ZNF644: variants seen among roughly 807,000 people sequenced by gnomAD.
ZNF644 encodes zinc finger protein 644, also known as zinc finger motif enhancer binding protein 2.
A neutral mutation model predicts 108.0 loss-of-function variants in ZNF644; 20 were observed. The observed-to-expected ratio is 0.19, with a 90% CI of 0.13 to 0.27. The LOEUF is 0.27. Among genes scored for constraint, ZNF644 ranks in the 10% least tolerant of loss-of-function variants. The probability of loss-of-function intolerance (pLI) is 1.00; values close to 1 mark genes in which losing one functional copy is unlikely to be tolerated. For synonymous variants in ZNF644, 542 were observed against 539.1 expected (o/e 1.01, Z -0.08); for missense variants, 1,338 against 1,548.9 (o/e 0.86, Z 2.29).
chr1:90,917,664 A>G (rs1349226095), intron 5 of ZNF644, among the ~76,000 whole-genome samples: 1 of 152,092 alleles, frequency 6.6e-6, no homozygotes, highest in Non-Finnish European at 1.5e-5. Context: ...AGCCTGGCTA[A>G]TTTTGGTATT....
intron 2 of ZNF644, among the ~76,000 whole-genome samples, chr1:90,962,282 T>C (rs74099878): frequency 0.012 from 1,762 of 151,962 alleles, 30 homozygotes; most frequent in African/African-American, 0.04. Context: ...TAAAACACCA[T>C]AGTGTTGGTG....
At chr1:90,966,285 A>G (rs1408165066) in intron 2 of ZNF644, among the ~76,000 whole-genome samples, 1 of 152,052 alleles carries the variant, frequency 6.6e-6, no homozygotes, top group Non-Finnish European at 1.5e-5. Flanking sequence ...ATTTTTCTTT[A>G]TAGTACTAAC....
chr1:90,933,361 C>A (rs1225150276), intron 4 of ZNF644, among the ~76,000 whole-genome samples: 1 of 152,086 alleles, frequency 6.6e-6, no homozygotes, highest in Non-Finnish European at 1.5e-5. Flanking sequence ...GAATAGTCCC[C>A]ATTTTAAACC....
At chr1:91,021,639 C>A (rs1183530573) in intron 1 of ZNF644, 1 of 139,236 alleles carries the variant, frequency 7.2e-6, no homozygotes, top group Non-Finnish European at 1.6e-5. Flanking sequence ...GGAAAGCCCC[C>A]CCCCCATCCC....
intron 4 of ZNF644, among the ~76,000 whole-genome samples, chr1:90,928,960 C>T (rs1650401286): frequency 6.6e-6 from 1 of 151,970 alleles, no homozygotes; most frequent in Non-Finnish European, 1.5e-5. Context: ...GTTTATGCAG[C>T]TGGAGTGCAG....
chr1:90,968,792 A>C (rs779953069), intron 2 of ZNF644, among the ~76,000 whole-genome samples: 2 of 152,226 alleles, frequency 1.3e-5, no homozygotes, highest in African/African-American at 2.4e-5. Flanking sequence ...CAATATATAC[A>C]GATAAATAGA....
At chr1:90,979,270 G>C (rs561598031) in intron 2 of ZNF644, among the ~76,000 whole-genome samples, 10 of 152,266 alleles carry the variant, frequency 6.6e-5, no homozygotes, top group Admixed American at 5.2e-4. Context: ...TCAGGAGTTC[G>C]AGACTAGCCT....
At chr1:90,953,383 G>T (rs535199003) in intron 2 of ZNF644, among the ~76,000 whole-genome samples, 1 of 151,768 alleles carries the variant, frequency 6.6e-6, no homozygotes, top group South Asian at 2.1e-4. Flanking sequence ...GGCCTATGGG[G>T]TAGGGGGTGA....
intron 1 of ZNF644, among the ~76,000 whole-genome samples, chr1:90,995,418 A>G (rs1658057944): frequency 6.6e-6 from 1 of 152,166 alleles, no homozygotes; most frequent in Non-Finnish European, 1.5e-5. Flanking sequence ...AGGCAGTCCA[A>G]CATATATGTA....
intron 2 of ZNF644, chr1:90,972,619 T>TATC (rs1655607461): frequency 6.6e-6 from 1 of 152,186 alleles, no homozygotes; most frequent in Non-Finnish European, 1.5e-5. Context: ...TCTAGGTATA[T>TATC]ATCCTTGAAA....
At chr1:90,934,236 G>A (rs529630936) in intron 4 of ZNF644, among the ~76,000 whole-genome samples, 176 of 152,184 alleles carry the variant, frequency 1.2e-3, no homozygotes, top group Non-Finnish European at 1.8e-3. Flanking sequence ...CTGGTCATTT[G>A]TATATCAAGT....
chr1:90,921,996 G>GA (rs1649497156), intron 4 of ZNF644, among the ~76,000 whole-genome samples: 1 of 152,206 alleles, frequency 6.6e-6, no homozygotes, highest in African/African-American at 2.4e-5. Flanking sequence ...TTTATACAAA[G>GA]AAGATTAAGA....
intron 1 of ZNF644, among the ~76,000 whole-genome samples, chr1:91,013,594 C>T (rs1429327755): frequency 6.6e-6 from 1 of 152,072 alleles, no homozygotes; most frequent in East Asian, 1.9e-4. Flanking sequence ...CCTATCACTT[C>T]TTTATGGGAA....
At chr1:90,948,342 A>T (rs1009051255) in intron 2 of ZNF644, among the ~76,000 whole-genome samples, 1 of 152,226 alleles carries the variant, frequency 6.6e-6, no homozygotes, top group African/African-American at 2.4e-5. Flanking sequence ...AAGGCACATT[A>T]TAGTATGCAC....
chr1:90,939,786 C>A lies in ZNF644; in HGVS notation c.1568G>T (p.Arg523Met). ...GTTACACTCTTCACAGCAGTAGTAC[C>A]TTTTATCTTTTTCATGGGTTTTAGC... ...QHAKTHEKDK[R>M]YYCCEECNFM... The change falls in exon 3 of 6, where the codon AGG becomes ATG. Residue 523 changes from arginine to methionine, a missense_variant. By Grantham distance (91) the Arg-to-Met change is moderately conservative. Around this residue, in one of 6 missense-constraint regions of ZNF644, gnomAD observed 80 missense variants for 183.0 expected, o/e 0.44. Coordinates refer to ENST00000337393, the MANE Select transcript of ZNF644 (RefSeq NM_201269.3). 1 of 1,613,832 alleles carries A rather than the reference C, an allele frequency of 6.2e-7. No homozygotes were observed. Among genetic ancestry groups the A allele is most frequent in the Non-Finnish European group, 8.5e-7 (1 of 1,179,916 alleles).
At chr1:91,014,450 A>G (rs1397079459) in intron 1 of ZNF644, among the ~76,000 whole-genome samples, 1 of 152,216 alleles carries the variant, frequency 6.6e-6, no homozygotes, top group East Asian at 1.9e-4. Context: ...AATATTAAAA[A>G]AAAGTTGTTT....
At chr1:90,989,923 C>A (rs541748035) in intron 1 of ZNF644, among the ~76,000 whole-genome samples, 8 of 152,240 alleles carry the variant, frequency 5.3e-5, no homozygotes, top group Admixed American at 2.0e-4. Flanking sequence ...CCACTGTCCA[C>A]CAATGTATAA....
intron 2 of ZNF644, among the ~76,000 whole-genome samples, chr1:90,951,624 A>G (rs1443893982): frequency 1.3e-5 from 2 of 151,854 alleles, no homozygotes; most frequent in African/African-American, 4.8e-5. Context: ...ACACCCCAAA[A>G]CCCTTACCTT....
chr1:90,975,078 T>C (rs1224345885), intron 2 of ZNF644, among the ~76,000 whole-genome samples: 1 of 152,234 alleles, frequency 6.6e-6, no homozygotes, highest in East Asian at 1.9e-4. Context: ...AGTTTCAGTT[T>C]AAGTGTCACT....
Sources: allele counts gnomAD v4.1 joint callset (sites outside exome capture counted in the v4.1 genomes callset), GRCh38; gene constraint gnomAD v4.1.1; regional missense constraint gnomAD v4.1.1; transcripts MANE v1.5; gene names NCBI Gene and HGNC (gene_info 2026-07-23, HGNC 2026-07-21).